The following RNLS variants were observed in gnomAD, a reference collection of about 807,000 sequenced individuals.
RNLS encodes renalase.
Under a neutral mutation model 39.8 loss-of-function variants are expected in RNLS, and 39 were observed. The ratio of observed to expected loss-of-function variants is 0.98; its 90% CI spans 0.76 to 1.28. The LOEUF is 1.28. Among genes scored for constraint, RNLS ranks in the 50% most tolerant of loss-of-function variants. RNLS has a pLI of 0.00. For missense variants in RNLS, 410 were observed against 413.3 expected, an observed-to-expected ratio of 0.99 and a Z score of 0.07; for synonymous variants, 147 against 150.7, an observed-to-expected ratio of 0.98 and a Z score of 0.18.
chr10:88,532,248 T>C lies in RNLS; in HGVS notation c.526+40655A>G, dbSNP rs1246738918. ...TTGTGTATAATACACTGATGCACAC[T>C]TTACAAGACTTAGAATATGGAATAT... On this transcript the variant is annotated intron_variant, in intron 4 of 6. Coordinates refer to ENST00000331772, the MANE Select transcript of RNLS (RefSeq NM_001031709.3). Among the ~76,000 whole-genome samples the C allele has an allele frequency of 3.3e-5, 5 of 152,086 alleles. No homozygotes were observed. The East Asian group carries it at 7.7e-4, about 23-fold the overall frequency.
At chr10:88,394,425 C>CA (rs1201685900) in intron 4 of RNLS, among the ~76,000 whole-genome samples, 10 of 151,992 alleles carry the variant, frequency 6.6e-5, no homozygotes, top group African/African-American at 2.4e-4. Flanking sequence ...TTAATGCAGC[C>CA]AAAAAACACA....
intron 6 of RNLS, 110 bp from the exon 7 acceptor site, chr10:88,285,616 C>T (rs1359468119): frequency 2.2e-6 from 2 of 900,212 alleles, no homozygotes; most frequent in Middle Eastern, 2.3e-4. Context: ...AGATTTCTCA[C>T]AAGAAGCACC....
At chr10:88,397,642 G>T (rs1810354313) in intron 4 of RNLS, among the ~76,000 whole-genome samples, 1 of 151,800 alleles carries the variant, frequency 6.6e-6, no homozygotes, top group South Asian at 2.1e-4. Flanking sequence ...AAACAAAATA[G>T]AGATAGAAAA....
At chr10:88,248,217 A>G in the RNLS span, among the ~76,000 whole-genome samples, 2 of 152,190 alleles carry the variant, frequency 1.3e-5, no homozygotes, top group Non-Finnish European at 1.5e-5. Context: ...TATCACACTT[A>G]CGTATCTAGA....
At chr10:88,288,984 T>A (rs1342554444) in intron 6 of RNLS, among the ~76,000 whole-genome samples, 1 of 152,188 alleles carries the variant, frequency 6.6e-6, no homozygotes, top group Non-Finnish European at 1.5e-5. Flanking sequence ...CACAGCTCAA[T>A]GACTGTGTTT....
At chr10:88,395,588 T>C (rs1852511414) in intron 4 of RNLS, among the ~76,000 whole-genome samples, 1 of 151,526 alleles carries the variant, frequency 6.6e-6, no homozygotes, top group African/African-American at 2.4e-5. Context: ...TGAGGAAAAA[T>C]GAACAAAGCC....
At chr10:88,459,492 C>T (rs1842825296) in intron 4 of RNLS, among the ~76,000 whole-genome samples, 1 of 152,082 alleles carries the variant, frequency 6.6e-6, no homozygotes, top group African/African-American at 2.4e-5. Flanking sequence ...TCGTATTGTA[C>T]CATTGCAGAA....
chr10:88,226,108 TCTC>T, the RNLS span, among the ~76,000 whole-genome samples: 1 of 152,204 alleles, frequency 6.6e-6, no homozygotes, highest in Non-Finnish European at 1.5e-5. Flanking sequence ...CTGTTGAAGT[TCTC>T]CTCTGAGGCA....
At chr10:88,422,096 T>C (rs762416966) in intron 4 of RNLS, among the ~76,000 whole-genome samples, 14 of 152,200 alleles carry the variant, frequency 9.2e-5, no homozygotes, top group Non-Finnish European at 1.6e-4. Flanking sequence ...GGATAAAGCT[T>C]CTGGAGGGAG....
chr10:88,418,386 T>C (rs144778578), intron 4 of RNLS, among the ~76,000 whole-genome samples: 2 of 152,338 alleles, frequency 1.3e-5, no homozygotes, highest in African/African-American at 4.8e-5. Flanking sequence ...CACTGGGCTC[T>C]GCTCACTATA....
chr10:88,345,258 A>G (rs1309333677), intron 5 of RNLS, among the ~76,000 whole-genome samples: 1 of 152,130 alleles, frequency 6.6e-6, no homozygotes, highest in Non-Finnish European at 1.5e-5. Flanking sequence ...CAGACTTCGA[A>G]ACCTGCTCTT....
At chr10:88,259,796 T>G in the RNLS span, among the ~76,000 whole-genome samples, 1 of 152,136 alleles carries the variant, frequency 6.6e-6, no homozygotes. Flanking sequence ...CAGGCTGGAG[T>G]GCAGTGGCGT....
chr10:88,373,403 C>T (rs1424294909), intron 4 of RNLS, among the ~76,000 whole-genome samples: 2 of 152,084 alleles, frequency 1.3e-5, no homozygotes. Context: ...ATAATAACAA[C>T]TCTTCACAAA....
At chr10:88,391,884 C>T (rs1310673308) in intron 4 of RNLS, among the ~76,000 whole-genome samples, 1 of 152,198 alleles carries the variant, frequency 6.6e-6, no homozygotes, top group Non-Finnish European at 1.5e-5. Flanking sequence ...CCCTCCCCTG[C>T]CCCCAGCTCT....
the RNLS span, among the ~76,000 whole-genome samples, chr10:88,212,458 G>C: frequency 6.6e-6 from 1 of 152,094 alleles, no homozygotes; most frequent in African/African-American, 2.4e-5. Context: ...ATTTTAAATG[G>C]TACAACCAAT....
At chr10:88,414,525 C>A (rs1489896545) in intron 4 of RNLS, among the ~76,000 whole-genome samples, 1 of 152,020 alleles carries the variant, frequency 6.6e-6, no homozygotes, top group Non-Finnish European at 1.5e-5. Context: ...ACTATGATGC[C>A]CTCTTATGTG....
chr10:88,234,885 G>A, the RNLS span, among the ~76,000 whole-genome samples: 3 of 152,172 alleles, frequency 2.0e-5, no homozygotes, highest in Non-Finnish European at 2.9e-5. Flanking sequence ...GATGAGTCTT[G>A]CAGATAAGTG....
At position 88,428,184 on chromosome 10, in the gene RNLS, T is replaced by C. The variant is rs556203976; in HGVS notation, c.527-65459A>G. ...AATTTCCCGAATCTCTCGCTCCATTTCCATTTCTCATGAAGATGTGCAAGT... is the reference window on the plus strand; with the variant it reads ...AATTTCCCGAATCTCTCGCTCCATTCCCATTTCTCATGAAGATGTGCAAGT... On this transcript the variant is annotated intron_variant, in intron 4 of 6. Transcript: ENST00000331772. Among the ~76,000 whole-genome samples, 205 of 152,122 alleles carry C rather than the reference T, an allele frequency of 1.3e-3. 2 individuals carry two copies. Among genetic ancestry groups the C allele is most frequent in the African/African-American group, 4.6e-3 (193 of 41,550 alleles).
chr10:88,285,337 G>T lies in RNLS; in HGVS notation c.*17C>A. 6.3e-7 allele frequency: 1 copy of T among 1,594,600 alleles called. No individual in the cohort carries two copies. Among genetic ancestry groups the T allele is most frequent in the Non-Finnish European group, 8.6e-7 (1 of 1,167,784 alleles). ...AATAAAAACCCAATACACATGTAGA[G>T]AATAAGGATATAGGCACTAAATATA... is the stretch of plus-strand genomic sequence containing the variant. On this transcript the variant is annotated 3_prime_UTR_variant, in exon 7 of 7. Coordinates refer to ENST00000331772, the MANE Select transcript of RNLS (RefSeq NM_001031709.3).
Sources: allele counts gnomAD v4.1 joint callset (sites outside exome capture counted in the v4.1 genomes callset), GRCh38; gene constraint gnomAD v4.1.1; transcripts MANE v1.5; gene names NCBI Gene and HGNC (gene_info 2026-07-23, HGNC 2026-07-21).